SNTG2: variants seen among roughly 807,000 people sequenced by gnomAD.
SNTG2 encodes the protein syntrophin gamma 2.
SNTG2 carries 74 observed loss-of-function variants against 70.9 expected under a neutral mutation model. The ratio of observed to expected loss-of-function variants is 1.04; its 90% confidence interval spans 0.86 to 1.27. SNTG2 has a LOEUF of 1.27. Among genes scored for constraint, SNTG2 ranks in the 50% most tolerant of loss-of-function variants. SNTG2 has a pLI of 0.00. For synonymous variants in SNTG2, 278 were observed against 273.8 expected, an observed-to-expected ratio of 1.02 and a Z score of -0.15; for missense variants, 717 against 690.7, an observed-to-expected ratio of 1.04 and a Z score of -0.43.
chr2:1,267,574 A>G lies in SNTG2; in HGVS notation c.1284+3A>G. On this transcript the variant is annotated splice_donor_region_variant and intron_variant, in intron 14 of 16. Transcript: ENST00000308624. ...TCATGGAAGTTCAGAGAACCGGGGTAAGTGAACAACTCACACTCTTCTCAC... is the reference window on the plus strand; with the variant it reads ...TCATGGAAGTTCAGAGAACCGGGGTGAGTGAACAACTCACACTCTTCTCAC... 6.2e-7 allele frequency: 1 copy of G among 1,612,158 alleles called. No individual in the cohort carries two copies. Among genetic ancestry groups the G allele is most frequent in the Non-Finnish European group, 8.5e-7 (1 of 1,179,722 alleles).
intron 6 of SNTG2, among the ~76,000 whole-genome samples, chr2:1,149,459 C>T (rs1000628154): frequency 6.6e-6 from 1 of 152,182 alleles, no homozygotes; most frequent in Non-Finnish European, 1.5e-5. Flanking sequence ...AAACTCTACT[C>T]AGGGTTTTGC....
At chr2:1,215,597 C>G (rs1674332352) in intron 9 of SNTG2, among the ~76,000 whole-genome samples, 1 of 151,258 alleles carries the variant, frequency 6.6e-6, no homozygotes, top group Non-Finnish European at 1.5e-5. Flanking sequence ...GGTACACGTG[C>G]ACAACGTGCA....
intron 9 of SNTG2, among the ~76,000 whole-genome samples, chr2:1,227,067 C>T (rs1017304464): frequency 6.6e-6 from 1 of 152,246 alleles, no homozygotes; most frequent in South Asian, 2.1e-4. Context: ...TGTCCTTGTA[C>T]ATTCAGCACC....
intron 1 of SNTG2, among the ~76,000 whole-genome samples, chr2:1,045,576 T>G (rs1661689088): frequency 6.6e-6 from 1 of 152,198 alleles, no homozygotes; most frequent in South Asian, 2.1e-4. Context: ...TAGTATGTTA[T>G]ATCTTAGTTT....
chr2:1,266,963 G>A (rs1372312705), intron 13 of SNTG2, among the ~76,000 whole-genome samples: 2 of 151,976 alleles, frequency 1.3e-5, no homozygotes, highest in South Asian at 2.1e-4. Flanking sequence ...TGAAGACAAG[G>A]TCTTGCCATG....
chr2:1,285,492 C>T (rs1431587038), intron 14 of SNTG2, among the ~76,000 whole-genome samples: 2 of 152,138 alleles, frequency 1.3e-5, no homozygotes, highest in African/African-American at 4.8e-5. Context: ...GGAAACGCAC[C>T]AATCCCCAAC....
At chr2:968,425 A>G (rs981201084) in intron 1 of SNTG2, among the ~76,000 whole-genome samples, 6 of 152,124 alleles carry the variant, frequency 3.9e-5, no homozygotes, top group Admixed American at 2.0e-4. Flanking sequence ...TTCTTTTCAA[A>G]GGATACATTT....
intron 1 of SNTG2, among the ~76,000 whole-genome samples, chr2:1,029,135 C>T (rs1468917246): frequency 3.9e-5 from 6 of 152,150 alleles, no homozygotes; most frequent in South Asian, 2.1e-4. Flanking sequence ...AATCATATAT[C>T]GAAAACCCCA....
intron 1 of SNTG2, among the ~76,000 whole-genome samples, chr2:1,076,521 A>G (rs193181631): frequency 6.6e-6 from 1 of 152,200 alleles, no homozygotes; most frequent in African/African-American, 2.4e-5. Flanking sequence ...AGCAATAATT[A>G]TTTGGTGAGT....
intron 14 of SNTG2, among the ~76,000 whole-genome samples, chr2:1,286,564 A>G (rs576320642): frequency 3.6e-4 from 55 of 152,206 alleles, no homozygotes; most frequent in Non-Finnish European, 7.2e-4. Flanking sequence ...GACAGTGGAT[A>G]AGGTATTCTG....
At chr2:1,159,099 C>A (rs568066622) in intron 6 of SNTG2, among the ~76,000 whole-genome samples, 1 of 56,252 alleles carries the variant, frequency 1.8e-5, no homozygotes, top group Non-Finnish European at 5.7e-5. Context: ...TATGTGCATG[C>A]GTGTACCTGT....
At chr2:1,268,790 C>T (rs987540387) in intron 14 of SNTG2, among the ~76,000 whole-genome samples, 23 of 152,222 alleles carry the variant, frequency 1.5e-4, no homozygotes, top group Admixed American at 2.6e-4. Flanking sequence ...AGTGAAAGAG[C>T]GTTTCTGGGA....
intron 1 of SNTG2, among the ~76,000 whole-genome samples, chr2:1,070,084 C>T (rs555048444): frequency 3.3e-5 from 5 of 152,070 alleles, no homozygotes; most frequent in African/African-American, 1.2e-4. Flanking sequence ...GAGCTTTTTG[C>T]GAAACCATCG....
At chr2:1,024,662 C>T (rs1387621804) in intron 1 of SNTG2, among the ~76,000 whole-genome samples, 1 of 152,184 alleles carries the variant, frequency 6.6e-6, no homozygotes, top group Non-Finnish European at 1.5e-5. Context: ...GCATGAGCCA[C>T]CGTGCCCACC....
intron 6 of SNTG2, among the ~76,000 whole-genome samples, chr2:1,139,172 C>G (rs1668587768): frequency 6.6e-6 from 1 of 152,192 alleles, no homozygotes; most frequent in African/African-American, 2.4e-5. Context: ...TGACTTCTAT[C>G]CTAGCCCAGA....
intron 7 of SNTG2, among the ~76,000 whole-genome samples, chr2:1,172,744 C>T (rs182422819): frequency 7.7e-4 from 118 of 152,346 alleles, no homozygotes; most frequent in Non-Finnish European, 1.6e-3. Context: ...AAAGAGAACA[C>T]TGCAATCACA....
chr2:1,007,263 CTA>C (rs1659600939), intron 1 of SNTG2, among the ~76,000 whole-genome samples: 1 of 152,060 alleles, frequency 6.6e-6, no homozygotes, highest in South Asian at 2.1e-4. Flanking sequence ...GACCTGAGTT[CTA>C]TGTTTTGGCC....
At chr2:1,247,267 C>T in intron 11 of SNTG2, 60 bp from the exon 12 acceptor site, 1 of 1,044,582 alleles carries the variant, frequency 9.6e-7, no homozygotes, top group Non-Finnish European at 1.5e-6. Flanking sequence ...GTGCTTAACT[C>T]TGCTGCTGTG....
intron 1 of SNTG2, among the ~76,000 whole-genome samples, chr2:999,782 T>A (rs1002400981): frequency 6.6e-6 from 1 of 151,950 alleles, no homozygotes; most frequent in African/African-American, 2.4e-5. Flanking sequence ...CAGATGGACA[T>A]AACAAACACA....
Sources: allele counts gnomAD v4.1 joint callset (sites outside exome capture counted in the v4.1 genomes callset), GRCh38; gene constraint gnomAD v4.1.1; transcripts MANE v1.5; gene names NCBI Gene and HGNC (gene_info 2026-07-23, HGNC 2026-07-21).